Variants in LRRC59 observed in about 807,000 individuals in gnomAD.
The protein encoded by LRRC59 is leucine-rich repeat-containing protein 59.
In LRRC59, 18 loss-of-function variants were observed where a neutral mutation model predicts 33.5. That is an observed-to-expected ratio of 0.54 (90% CI 0.37 to 0.80). LRRC59 has a LOEUF of 0.80. Among genes scored for constraint, LRRC59 ranks in the 30% least tolerant of loss-of-function variants. The probability of loss-of-function intolerance (pLI) is 0.00; values close to 1 mark genes in which losing one functional copy is unlikely to be tolerated. For synonymous variants in LRRC59, 138 were observed against 160.0 expected (o/e 0.86, Z 1.04); for missense variants, 330 against 391.9 (o/e 0.84, Z 1.33).
chr17:50,388,789 G>A (rs9905290), intron 4 of LRRC59, among the ~76,000 whole-genome samples: 6,971 of 152,128 alleles, frequency 0.046, 554 homozygotes, highest in African/African-American at 0.16. Flanking sequence ...CCTCCAACAC[G>A]CTTTCCTGAC....
At chr17:50,394,623 T>C (rs1260459901) in intron 2 of LRRC59, among the ~76,000 whole-genome samples, 1 of 152,106 alleles carries the variant, frequency 6.6e-6, no homozygotes, top group South Asian at 2.1e-4. Context: ...TTCAGAGGAA[T>C]AAAATAATGT....
Position 50,397,464 on chromosome 17 carries a change from G to A in LRRC59, c.-147C>T. The A allele has an allele frequency of 1.9e-6, 1 of 535,950 alleles. No homozygotes were observed. Among genetic ancestry groups the A allele is most frequent in the Non-Finnish European group, 3.2e-6 (1 of 311,130 alleles). 33.2% of individuals were successfully genotyped at this position (535,950 alleles called of 1,614,324 possible). A position where few individuals can be genotyped will look rare whatever the true frequency, so the allele number is the denominator to read the frequency against. ...CGATGCGAGACCGCCTCCGCCCGCT[G>A]GCCGCACTCCGAGCCTCGCGCCTAG... On this transcript the variant is annotated 5_prime_UTR_variant, in exon 1 of 7. Coordinates refer to ENST00000225972, the MANE Select transcript of LRRC59 (RefSeq NM_018509.4).
Position 50,392,421 on chromosome 17 carries a change from G to C in LRRC59, c.406C>G (p.Gln136Glu). ...KVAGDCLDEK[Q>E]CKQCANKVLQ... ...ACCTTGTTTGCACACTGCTTACACT[G>C]CTTCTCATCCAAGCAGTCACCTGCC... is the stretch of plus-strand genomic sequence containing the variant. Residue 136 changes from glutamine to glutamate, a missense_variant, in exon 4 of 7, where the codon CAG becomes GAG. Coordinates refer to ENST00000225972, the MANE Select transcript of LRRC59 (RefSeq NM_018509.4). 6.2e-7 allele frequency: 1 copy of C among 1,614,062 alleles called. No homozygotes were observed. Among genetic ancestry groups the C allele is most frequent in the Non-Finnish European group, 8.5e-7 (1 of 1,179,964 alleles).
At chr17:50,397,140 G>GA in intron 1 of LRRC59, 73 bp downstream of exon 1, 1 of 1,122,190 alleles carries the variant, frequency 8.9e-7, no homozygotes, top group Non-Finnish European at 1.3e-6. Flanking sequence ...TAGAGAAGAG[G>GA]AAAGTAAGTG....
intron 5 of LRRC59, among the ~76,000 whole-genome samples, chr17:50,387,383 C>G (rs922326401): frequency 2.0e-5 from 3 of 152,188 alleles, no homozygotes; most frequent in Non-Finnish European, 4.4e-5. Flanking sequence ...GGAGAGCAGG[C>G]AAGTAAGCTT....
intron 2 of LRRC59, 150 bp downstream of exon 2, chr17:50,394,779 C>T (rs1914231762): frequency 3.5e-6 from 2 of 564,392 alleles, no homozygotes; most frequent in East Asian, 5.8e-5. Flanking sequence ...CTGTGCCTCC[C>T]CTACACACTC....
Position 50,385,277 on chromosome 17 carries a change from GCTT to G in LRRC59, c.514_516del (p.Lys172del), listed in dbSNP as rs756560115. On this transcript the variant is annotated inframe_deletion, in exon 6 of 7. Coordinates refer to ENST00000225972, the MANE Select transcript of LRRC59 (RefSeq NM_018509.4). Reference sequence around the variant, plus strand: ...TCCTTAGCTCGCTGCTTAGCCTCACGCTTCTTCTCTGCCTCTACAACAAAACAT... The same window carrying G: ...TCCTTAGCTCGCTGCTTAGCCTCACGCTTCTCTGCCTCTACAACAAAACAT... The G allele has an allele frequency of 3.7e-6, 6 of 1,613,484 alleles. No homozygotes were observed. In the African/African-American group the frequency reaches 4.0e-5, roughly 11 times the overall value.
At chr17:50,390,438 ACTGAGAGTGCGCCACTGC>A in intron 4 of LRRC59, among the ~76,000 whole-genome samples, 1 of 150,948 alleles carries the variant, frequency 6.6e-6, no homozygotes, top group African/African-American at 2.4e-5. Flanking sequence ...GTTGCAGTGA[ACTGAGAGTGCGCCACTGC>A]CCTCCAGCTT....
At chr17:50,392,605 T>G in intron 3 of LRRC59, 103 bp from the exon 4 acceptor site, 1 of 1,446,530 alleles carries the variant, frequency 6.9e-7, no homozygotes, top group East Asian at 2.3e-5. Flanking sequence ...CCCTCTGTGT[T>G]CCACATATAG....
intron 1 of LRRC59, among the ~76,000 whole-genome samples, chr17:50,395,378 AAGGCAGGC>A (rs200741723): frequency 1.7e-4 from 25 of 150,200 alleles, no homozygotes; most frequent in Non-Finnish European, 3.0e-4. Flanking sequence ...AAAAGAAAGG[AAGGCAGGC>A]AGGCAGGCAG....
At chr17:50,387,073 G>A (rs1315079241) in intron 5 of LRRC59, among the ~76,000 whole-genome samples, 6 of 152,016 alleles carry the variant, frequency 3.9e-5, no homozygotes, top group Admixed American at 6.6e-5. Flanking sequence ...AGCCGAGATC[G>A]TGCCACCGCA....
intron 2 of LRRC59, among the ~76,000 whole-genome samples, chr17:50,393,134 C>T (rs753704925): frequency 1.3e-5 from 2 of 152,186 alleles, no homozygotes; most frequent in Non-Finnish European, 2.9e-5. Flanking sequence ...TCACACACTT[C>T]GGTGTAACAG....
At chr17:50,395,368 AAAAG>A (rs1352503022) in intron 1 of LRRC59, among the ~76,000 whole-genome samples, 5 of 151,698 alleles carry the variant, frequency 3.3e-5, no homozygotes, top group African/African-American at 1.2e-4. Context: ...AAAAAAAAAA[AAAAG>A]AAAGGAAGGC....
intron 2 of LRRC59, among the ~76,000 whole-genome samples, chr17:50,394,211 C>T (rs138102955): frequency 5.9e-4 from 90 of 152,220 alleles, no homozygotes; most frequent in Non-Finnish European, 1.0e-3. Flanking sequence ...TAGGAAGTCA[C>T]CCTGGAGTAC....
rs903486551 is a variant in LRRC59 at position 50,397,506 on chromosome 17, G to C, written c.-189C>G. The C allele has an allele frequency of 2.0e-6, 1 of 504,064 alleles. No homozygotes were observed. The highest frequency in any genetic ancestry group is 2.0e-5 in the African/African-American group (1 of 49,244). 31.2% of individuals were successfully genotyped at this position (504,064 alleles called of 1,614,324 possible). ...CGCGCCTAGCTCCCACCGGTGCCGC[G>C]ACGACGACCACTTCCGTGTCCACGT... is the stretch of plus-strand genomic sequence containing the variant. On this transcript the variant is annotated 5_prime_UTR_variant, in exon 1 of 7. Transcript: ENST00000225972.
chr17:50,390,119 A>G, intron 4 of LRRC59, among the ~76,000 whole-genome samples: 1 of 151,262 alleles, frequency 6.6e-6, no homozygotes, highest in South Asian at 2.1e-4. Context: ...AAAAAAAAGA[A>G]AAAGGAAAGA....
chr17:50,386,632 C>T (rs753521973), intron 5 of LRRC59, among the ~76,000 whole-genome samples: 6 of 152,168 alleles, frequency 3.9e-5, no homozygotes, highest in Non-Finnish European at 8.8e-5. Flanking sequence ...GAACATGGGC[C>T]ACTGAGAGGT....
At position 50,382,889 on chromosome 17, in the gene LRRC59, A is replaced by G; in HGVS notation, c.*99T>C. ...CAATCTGCAGCCATTTGATGATGGC[A>G]GGTAGGTCTGATGCTAAAAAGAGGT... On this transcript the variant is annotated 3_prime_UTR_variant, in exon 7 of 7. Coordinates refer to ENST00000225972, the MANE Select transcript of LRRC59 (RefSeq NM_018509.4). 5 of 1,439,368 alleles carry G rather than the reference A, an allele frequency of 3.5e-6. No individual in the cohort carries two copies. The highest frequency in any genetic ancestry group is 4.7e-6 in the Non-Finnish European group (5 of 1,061,312). The allele number at this position is 1,439,368 out of a possible 1,614,324, so 89.2% of individuals were successfully genotyped here.
chr17:50,392,781 G>C lies in LRRC59; in HGVS notation c.282C>G (p.Asn94Lys). The C allele has an allele frequency of 6.2e-7, 1 of 1,614,190 alleles. No homozygotes were observed. The highest frequency in any genetic ancestry group is 8.5e-7 in the Non-Finnish European group (1 of 1,180,034). The change falls in exon 3 of 7, where the codon AAC (asparagine) becomes AAG (lysine). Residue 94 changes from asparagine to lysine, a missense_variant. By Grantham distance (94) the Asn-to-Lys change is moderately conservative (BLOSUM62 0). Transcript: ENST00000225972. ...TGACAGGCAAGGTGACCAGCTTGTT[G>C]TTGAGGAGATCCAGGTGCTGGAGGT... ...LVNLQHLDLL[N>K]NKLVTLPVSF...
Sources: allele counts gnomAD v4.1 joint callset (sites outside exome capture counted in the v4.1 genomes callset), GRCh38; gene constraint gnomAD v4.1.1; transcripts MANE v1.5; gene names NCBI Gene and HGNC (gene_info 2026-07-23, HGNC 2026-07-21).